Variants in EPC2 observed in about 807,000 individuals in gnomAD.
EPC2 encodes enhancer of polycomb 2.
EPC2 carries 14 observed loss-of-function variants against 92.1 expected under a neutral mutation model. The ratio of observed to expected loss-of-function variants is 0.15; its 90% CI spans 0.10 to 0.24. The LOEUF (loss-of-function observed/expected upper bound fraction) is 0.24. Among genes scored for constraint, EPC2 ranks in the 10% least tolerant of loss-of-function variants. The pLI, the probability that EPC2 is intolerant of heterozygous loss-of-function variation, is 1.00. For synonymous variants in EPC2, 340 were observed against 334.7 expected (o/e 1.02, Z -0.17); for missense variants, 755 against 971.5 (o/e 0.78, Z 2.96).
At position 148,657,175 on chromosome 2, in the gene EPC2, G is replaced by A. The variant is rs75690163; in HGVS notation, c.153+12005G>A. Among the ~76,000 whole-genome samples, 1,283 of 152,252 alleles carry A rather than the reference G, an allele frequency of 8.4e-3. 27 individuals are homozygous for A. Among genetic ancestry groups the A allele is most frequent in the African/African-American group, 0.03 (1,228 of 41,558 alleles). Reference sequence around the variant, plus strand: ...ATTTGGAAGAACAGAAACTGTTACGGAGGATGGACTAAAGAAACAGTGCTG... The same window carrying A: ...ATTTGGAAGAACAGAAACTGTTACGAAGGATGGACTAAAGAAACAGTGCTG... On this transcript the variant is annotated intron_variant, in intron 1 of 13. Coordinates refer to ENST00000258484, the MANE Select transcript of EPC2 (RefSeq NM_015630.4).
In EPC2 at chr2:148,724,920, A is replaced by G. The variant is rs16829178; in HGVS notation, c.314-18702A>G. 9.6e-3 allele frequency among the ~76,000 whole-genome samples: 1,458 copies of G among 152,234 alleles called. 29 individuals carry two copies. The highest frequency in any genetic ancestry group is 0.034 in the African/African-American group (1,406 of 41,554). On this transcript the variant is annotated intron_variant, in intron 2 of 13. Transcript: ENST00000258484. ...TGGATGGCACTGGAGGAATAAGGTT[A>G]TAGTTAAGGAGTAGAGACCCTAGCT...
At chr2:148,645,384 T>G in intron 1 of EPC2, 1 of 491,470 alleles carries the variant, frequency 2.0e-6, no homozygotes, top group Non-Finnish European at 3.6e-6. Context: ...GTGTTGTGAT[T>G]AGCTCGCAGC....
chr2:148,682,665 C>T (rs1430815889), intron 1 of EPC2, among the ~76,000 whole-genome samples: 1 of 151,938 alleles, frequency 6.6e-6, no homozygotes, highest in Non-Finnish European at 1.5e-5. Flanking sequence ...CTCTTTTCCT[C>T]TCCTCCCCTC....
chr2:148,693,598 C>T (rs114958009), intron 2 of EPC2, among the ~76,000 whole-genome samples: 3,934 of 152,192 alleles, frequency 0.026, 58 homozygotes, highest in East Asian at 0.032. Flanking sequence ...GTAACCTCCT[C>T]GCGATCAGGG....
At chr2:148,775,926 C>T (rs1683633732) in intron 10 of EPC2, among the ~76,000 whole-genome samples, 1 of 151,382 alleles carries the variant, frequency 6.6e-6, no homozygotes, top group Non-Finnish European at 1.5e-5. Flanking sequence ...TACAGGTGCC[C>T]ACCACCACAC....
intron 1 of EPC2, among the ~76,000 whole-genome samples, chr2:148,651,796 T>C (rs1680692000): frequency 6.6e-6 from 1 of 152,198 alleles, no homozygotes; most frequent in Admixed American, 6.5e-5. Context: ...ACTTAATAGA[T>C]GGTTTAGAGT....
chr2:148,667,196 T>G (rs1306582707), intron 1 of EPC2, among the ~76,000 whole-genome samples: 1 of 152,242 alleles, frequency 6.6e-6, no homozygotes, highest in Non-Finnish European at 1.5e-5. Context: ...CCTGTCTTGC[T>G]GTTCCGTAGA....
chr2:148,678,652 C>T (rs1305670820), intron 1 of EPC2, among the ~76,000 whole-genome samples: 1 of 152,264 alleles, frequency 6.6e-6, no homozygotes, highest in East Asian at 1.9e-4. Context: ...GGGTGCTAAG[C>T]CCCTCATTGC....
At chr2:148,677,114 A>G (rs575795147) in intron 1 of EPC2, among the ~76,000 whole-genome samples, 101 of 152,302 alleles carry the variant, frequency 6.6e-4, no homozygotes, top group African/African-American at 2.3e-3. Context: ...CATGTTTACA[A>G]CTAGTCATGT....
At chr2:148,694,845 A>G (rs534257344) in intron 2 of EPC2, among the ~76,000 whole-genome samples, 12 of 152,250 alleles carry the variant, frequency 7.9e-5, no homozygotes, top group African/African-American at 2.4e-4. Context: ...GCTCACCACA[A>G]CCTTCCTCAC....
At chr2:148,700,763 G>A (rs1362740978) in intron 2 of EPC2, among the ~76,000 whole-genome samples, 1 of 147,874 alleles carries the variant, frequency 6.8e-6, no homozygotes, top group African/African-American at 2.5e-5. Context: ...CTCTTGTATT[G>A]GCTCTTTGGG....
chr2:148,686,706 T>A (rs1387854854), intron 1 of EPC2, among the ~76,000 whole-genome samples: 1 of 152,252 alleles, frequency 6.6e-6, no homozygotes, highest in Non-Finnish European at 1.5e-5. Context: ...AATCTCCTTG[T>A]TCATCGCCAT....
At chr2:148,732,187 CTAT>C in intron 2 of EPC2, among the ~76,000 whole-genome samples, 1 of 152,206 alleles carries the variant, frequency 6.6e-6, no homozygotes, top group Non-Finnish European at 1.5e-5. Flanking sequence ...TCTTTCAGTT[CTAT>C]TATTCTAAGA....
chr2:148,765,073 C>G lies in EPC2; in HGVS notation c.1067C>G (p.Thr356Arg). 6.2e-7 allele frequency: 1 copy of G among 1,609,090 alleles called. No homozygotes were observed. The highest frequency in any genetic ancestry group is 8.5e-7 in the Non-Finnish European group (1 of 1,177,106). ...ACATCTCAGCAACCCACTCCTGAGA[C>G]ATTGCCTGTGATCAATAAGAGTGAC... Reference protein sequence around the residue: ...LITSQQPTPETLPVINKSDIK... With the variant: ...LITSQQPTPERLPVINKSDIK... Residue 356 changes from threonine (T) to arginine (R), a missense_variant, in exon 7 of 14, where the codon ACA (threonine) becomes AGA (arginine). By Grantham distance (71) the Thr-to-Arg change is moderately conservative. Around this residue, in one of 4 missense-constraint regions of EPC2, gnomAD observed 509 missense variants for 607.7 expected, o/e 0.84. Transcript: ENST00000258484.
chr2:148,645,612 C>G (rs1233372905), intron 1 of EPC2: 1 of 158,868 alleles, frequency 6.3e-6, no homozygotes, highest in African/African-American at 2.4e-5. Flanking sequence ...TTTGAAATGA[C>G]TGTGGAAGGG....
intron 2 of EPC2, among the ~76,000 whole-genome samples, chr2:148,695,257 G>A (rs990946689): frequency 5.3e-5 from 8 of 152,224 alleles, no homozygotes; most frequent in African/African-American, 1.7e-4. Flanking sequence ...AAGAGTTCAG[G>A]AGAAAGGATA....
At chr2:148,698,171 AT>A (rs1184328567) in intron 2 of EPC2, among the ~76,000 whole-genome samples, 3 of 152,196 alleles carry the variant, frequency 2.0e-5, no homozygotes, top group African/African-American at 7.2e-5. Context: ...AAATGAGATG[AT>A]TTAGTATTAA....
chr2:148,778,002 G>A (rs1330595580), intron 10 of EPC2, among the ~76,000 whole-genome samples: 1 of 152,164 alleles, frequency 6.6e-6, no homozygotes, highest in Admixed American at 6.5e-5. Flanking sequence ...CCTGTAACAA[G>A]TATGCCAAAT....
intron 2 of EPC2, among the ~76,000 whole-genome samples, chr2:148,697,233 G>A (rs1463799345): frequency 6.6e-6 from 1 of 151,906 alleles, no homozygotes; most frequent in African/African-American, 2.4e-5. Context: ...ATCATTACAA[G>A]TTGCAAATAT....
Sources: gnomAD v4.1 joint callset for allele counts (sites outside exome capture counted in the v4.1 genomes callset) on GRCh38, gnomAD v4.1.1 for gene constraint, gnomAD v4.1.1 regional missense constraint, MANE v1.5 for transcripts, NCBI Gene and HGNC (gene_info 2026-07-23, HGNC 2026-07-21) for gene names.